Variants in POU6F2 observed in about 807,000 individuals in gnomAD.
The protein encoded by POU6F2 is POU domain, class 6, transcription factor 2.
Under a neutral mutation model 71.3 loss-of-function variants are expected in POU6F2, and 31 were observed. The observed-to-expected ratio is 0.43, with a 90% CI of 0.33 to 0.59. The LOEUF (loss-of-function observed/expected upper bound fraction) is 0.59, where lower values mean the gene tolerates loss of function less well. Among genes scored for constraint, POU6F2 ranks in the 20% least tolerant of loss-of-function variants. The probability of loss-of-function intolerance (pLI) is 0.04; values close to 1 mark genes in which losing one functional copy is unlikely to be tolerated. For synonymous variants in POU6F2, 347 were observed against 355.7 expected (o/e 0.98, Z 0.27); for missense variants, 783 against 856.8 (o/e 0.91, Z 1.07).
intron 4 of POU6F2, among the ~76,000 whole-genome samples, chr7:39,223,347 C>A (rs1794404631): frequency 6.6e-6 from 1 of 152,150 alleles, no homozygotes; most frequent in African/African-American, 2.4e-5. Flanking sequence ...GTTGGATTTA[C>A]ACTTTAGGTA....
Position 39,341,053 on chromosome 7 carries a change from T to C in POU6F2, c.972+1038T>C, listed in dbSNP as rs113531274. Among the ~76,000 whole-genome samples the C allele has an allele frequency of 2.7e-3, 408 of 152,276 alleles. 2 individuals are homozygous for C. Among genetic ancestry groups the C allele is most frequent in the South Asian group, 4.4e-3 (21 of 4,820 alleles). ...CCATAGTGGTGGGTATAAACCTCAGTCAGTCCGGCTCTCCCCAGCCTGAGA... is the reference window on the plus strand; with the variant it reads ...CCATAGTGGTGGGTATAAACCTCAGCCAGTCCGGCTCTCCCCAGCCTGAGA... On this transcript the variant is annotated intron_variant, in intron 5 of 9. Coordinates refer to ENST00000518318, the MANE Select transcript of POU6F2 (RefSeq NM_001370959.1).
chr7:39,339,077 A>T (rs1270110086), intron 4 of POU6F2, among the ~76,000 whole-genome samples: 2 of 139,772 alleles, frequency 1.4e-5, no homozygotes, highest in Non-Finnish European at 1.6e-5. Flanking sequence ...CTGCTTTTGA[A>T]TTTTTAAAAA....
chr7:39,085,577 GT>G (rs201365898), intron 1 of POU6F2, among the ~76,000 whole-genome samples: 1,797 of 141,254 alleles, frequency 0.013, 22 homozygotes, highest in African/African-American at 0.035. Context: ...TTTCAAAGAA[GT>G]TTTTTTTTTT....
chr7:39,234,454 C>T (rs1794636030), intron 4 of POU6F2, among the ~76,000 whole-genome samples: 1 of 152,010 alleles, frequency 6.6e-6, no homozygotes, highest in South Asian at 2.1e-4. Flanking sequence ...TTTTGACCTG[C>T]AGAAAGTTAA....
chr7:39,061,492 TG>T (rs1292982075), intron 1 of POU6F2, among the ~76,000 whole-genome samples: 3 of 152,230 alleles, frequency 2.0e-5, no homozygotes, highest in Non-Finnish European at 2.9e-5. Context: ...GCACTTTAAA[TG>T]AATCTTTTAC....
chr7:39,302,250 G>A (rs1784960805), intron 4 of POU6F2, among the ~76,000 whole-genome samples: 2 of 152,100 alleles, frequency 1.3e-5, no homozygotes, highest in South Asian at 2.1e-4. Flanking sequence ...TTAAAAAAGA[G>A]GGTAATGGAC....
At chr7:39,343,431 A>G (rs912599785) in intron 5 of POU6F2, among the ~76,000 whole-genome samples, 2 of 152,102 alleles carry the variant, frequency 1.3e-5, no homozygotes, top group African/African-American at 4.8e-5. Flanking sequence ...AAAAAATTCA[A>G]TACGTAATTT....
chr7:39,430,185 AT>A (rs1345552782), intron 6 of POU6F2, among the ~76,000 whole-genome samples: 1 of 152,270 alleles, frequency 6.6e-6, no homozygotes, highest in Admixed American at 6.5e-5. Flanking sequence ...ATTCGGGAAT[AT>A]GACGAAATTC....
chr7:39,059,880 C>T (rs1790617783), intron 1 of POU6F2, among the ~76,000 whole-genome samples: 1 of 152,100 alleles, frequency 6.6e-6, no homozygotes. Flanking sequence ...CATGCTACAA[C>T]AGGGATGAAC....
At chr7:38,991,706 G>C (rs1350246772) in intron 1 of POU6F2, among the ~76,000 whole-genome samples, 1 of 152,098 alleles carries the variant, frequency 6.6e-6, no homozygotes. Context: ...TTTCAGGAAA[G>C]AGTGATATTG....
intron 2 of POU6F2, among the ~76,000 whole-genome samples, chr7:39,129,417 T>G (rs1792209348): frequency 6.6e-6 from 1 of 152,170 alleles, no homozygotes. Flanking sequence ...TAGGAAAACC[T>G]TAAGAAGTAT....
At chr7:39,387,276 T>C (rs1014673084) in intron 5 of POU6F2, among the ~76,000 whole-genome samples, 1 of 152,220 alleles carries the variant, frequency 6.6e-6, no homozygotes, top group African/African-American at 2.4e-5. Context: ...CACATGGCCC[T>C]GTTCCAAATC....
chr7:39,378,791 T>C (rs1786763144), intron 5 of POU6F2, among the ~76,000 whole-genome samples: 2 of 152,222 alleles, frequency 1.3e-5, no homozygotes, highest in Admixed American at 6.5e-5. Flanking sequence ...TTTCTGATCA[T>C]GTGAAAGGTG....
chr7:39,373,357 C>T (rs577498682), intron 5 of POU6F2: 2 of 442,290 alleles, frequency 4.5e-6, no homozygotes, highest in East Asian at 7.0e-5. Context: ...GATTGACCTA[C>T]GAGGCTGACC....
intron 4 of POU6F2, among the ~76,000 whole-genome samples, chr7:39,246,493 G>A (rs1272836299): frequency 6.6e-6 from 1 of 152,148 alleles, no homozygotes; most frequent in Non-Finnish European, 1.5e-5. Context: ...AAGTGGTTAA[G>A]CCAAGCTGTC....
intron 1 of POU6F2, chr7:39,006,862 C>T (rs1789087271): frequency 3.1e-6 from 5 of 1,613,490 alleles, no homozygotes; most frequent in Non-Finnish European, 4.2e-6. Context: ...GAGTGCTCTT[C>T]TTCAGGTATT....
At chr7:39,326,313 G>C (rs568019086) in intron 4 of POU6F2, among the ~76,000 whole-genome samples, 5 of 152,194 alleles carry the variant, frequency 3.3e-5, no homozygotes, top group African/African-American at 1.2e-4. Context: ...ACAAAGAACC[G>C]TTATCCAAGG....
At chr7:39,237,531 G>A (rs1296441931) in intron 4 of POU6F2, among the ~76,000 whole-genome samples, 3 of 152,106 alleles carry the variant, frequency 2.0e-5, no homozygotes, top group African/African-American at 7.2e-5. Context: ...CTTTCTTTAT[G>A]GTCCAGGAAG....
intron 1 of POU6F2, among the ~76,000 whole-genome samples, chr7:39,056,927 C>T (rs886299143): frequency 4.6e-5 from 7 of 151,934 alleles, no homozygotes; most frequent in Admixed American, 4.6e-4. Context: ...CTGTATGACC[C>T]TTTCTTTTCT....
Sources: allele counts gnomAD v4.1 joint callset (sites outside exome capture counted in the v4.1 genomes callset), GRCh38; gene constraint gnomAD v4.1.1; transcripts MANE v1.5; gene names NCBI Gene and HGNC (gene_info 2026-07-23, HGNC 2026-07-21).